The following EDNRB variants were observed in gnomAD, a reference collection of about 807,000 sequenced individuals.
EDNRB encodes Hirschsprung disease 2.
Under a neutral mutation model 46.4 loss-of-function variants are expected in EDNRB, and 18 were observed. That is an observed-to-expected ratio of 0.39 (90% confidence interval 0.27 to 0.57). The LOEUF (loss-of-function observed/expected upper bound fraction) is 0.57. Among genes scored for constraint, EDNRB ranks in the 20% least tolerant of loss-of-function variants. The pLI is 0.61. For missense variants in EDNRB, 434 were observed against 537.5 expected (o/e 0.81, Z 1.90); for synonymous variants, 213 against 204.9 (o/e 1.04, Z -0.34).
chr13:77,900,885 C>A (rs1878935291), intron 4 of EDNRB, among the ~76,000 whole-genome samples, 173 bp downstream of exon 4: 1 of 151,744 alleles, frequency 6.6e-6, no homozygotes, highest in Non-Finnish European at 1.5e-5. Context: ...TATAGAATAT[C>A]TCCAAATAAA....
chr13:77,910,146 T>A (rs1258044798), intron 1 of EDNRB, among the ~76,000 whole-genome samples: 1 of 151,978 alleles, frequency 6.6e-6, no homozygotes, highest in East Asian at 1.9e-4. Context: ...GCAGTAAACA[T>A]AGGAGCATTG....
chr13:77,905,090 T>C (rs1483261317), intron 1 of EDNRB, among the ~76,000 whole-genome samples: 2 of 151,902 alleles, frequency 1.3e-5, no homozygotes, highest in African/African-American at 4.8e-5. Flanking sequence ...ATATATATGC[T>C]TAATGTAGGA....
At chr13:77,944,940 G>T (rs1041941600) in intron 1 of EDNRB, 1 of 152,156 alleles carries the variant, frequency 6.6e-6, no homozygotes, top group Non-Finnish European at 1.5e-5. Flanking sequence ...TGGATGCCTG[G>T]GGTAAAGAAA....
intron 1 of EDNRB, among the ~76,000 whole-genome samples, chr13:77,946,049 G>A (rs1880902079): frequency 6.6e-6 from 1 of 152,288 alleles, no homozygotes; most frequent in African/African-American, 2.4e-5. Context: ...CGTGAATCCT[G>A]TCTCATGTCT....
At chr13:77,903,769 T>C (rs1042236693) in intron 1 of EDNRB, among the ~76,000 whole-genome samples, 162 bp from the exon 2 acceptor site, 1 of 151,956 alleles carries the variant, frequency 6.6e-6, no homozygotes, top group Admixed American at 6.6e-5. Context: ...GTTTGATATA[T>C]GTATGGGACA....
rs1878618578 is a variant in EDNRB at position 77,896,276 on chromosome 13, A to G, written c.*1924T>C. ...AAAATAATCTAAAATTTAAATAGAA[A>G]TTAAATATATTAATAAACTGTGAAA... On this transcript the variant is annotated 3_prime_UTR_variant, in exon 7 of 7. Transcript: ENST00000646607. 7.6e-6 allele frequency: 4 copies of G among 523,220 alleles called. No homozygotes were observed. Among genetic ancestry groups the G allele is most frequent in the Admixed American group, 4.6e-5 (1 of 21,684 alleles). The allele number at this position is 523,220 out of a possible 1,614,324, so 32.4% of individuals were successfully genotyped here. A position where few individuals can be genotyped will look rare whatever the true frequency, so the allele number is the denominator to read the frequency against.
Position 77,972,573 on chromosome 13 carries a change from C to T in EDNRB, c.-52+2774G>A, listed in dbSNP as rs542691778. Among the ~76,000 whole-genome samples the T allele has an allele frequency of 3.0e-3, 464 of 152,158 alleles. 3 individuals are homozygous for T. The highest frequency in any genetic ancestry group is 5.4e-3 in the Non-Finnish European group (366 of 68,008). ...CTGGGGTCTTTATCGAAATCTCCCC[C>T]GATTAAACGGTCCTAGTTTACCAAT... On this transcript the variant is annotated intron_variant, in intron 1 of 7. Transcript: ENST00000646948.
At chr13:77,912,704 AAC>A (rs776154906) in intron 1 of EDNRB, among the ~76,000 whole-genome samples, 25 of 152,168 alleles carry the variant, frequency 1.6e-4, no homozygotes, top group Non-Finnish European at 3.1e-4. Flanking sequence ...GCTTTTAATT[AAC>A]ACGTTTTAAA....
chr13:77,960,792 C>G (rs1407490593), intron 1 of EDNRB, among the ~76,000 whole-genome samples: 3 of 151,096 alleles, frequency 2.0e-5, no homozygotes, highest in African/African-American at 7.3e-5. Flanking sequence ...TTCAGGAGAC[C>G]CATCTCACGT....
At chr13:77,962,246 T>C (rs974225844) in intron 1 of EDNRB, among the ~76,000 whole-genome samples, 4 of 152,050 alleles carry the variant, frequency 2.6e-5, no homozygotes, top group Admixed American at 6.5e-5. Context: ...TTCCAATCAA[T>C]AGAAAAAGAC....
chr13:77,909,682 G>A (rs1326940555), intron 1 of EDNRB, among the ~76,000 whole-genome samples: 1 of 152,004 alleles, frequency 6.6e-6, no homozygotes. Flanking sequence ...ACAGTGATTG[G>A]CACACAGTGG....
intron 1 of EDNRB, among the ~76,000 whole-genome samples, chr13:77,960,324 C>T (rs554552364): frequency 6.6e-6 from 1 of 152,318 alleles, no homozygotes; most frequent in African/African-American, 2.4e-5. Context: ...GCCCATCAGA[C>T]TAACAGCAGA....
chr13:77,926,369 A>G (rs976460863), intron 1 of EDNRB, among the ~76,000 whole-genome samples: 3 of 152,174 alleles, frequency 2.0e-5, no homozygotes, highest in African/African-American at 7.2e-5. Flanking sequence ...CACCTAAGTC[A>G]CTTTTGAATG....
chr13:77,963,443 C>A (rs892196512), intron 1 of EDNRB, among the ~76,000 whole-genome samples: 2 of 152,106 alleles, frequency 1.3e-5, no homozygotes, highest in Non-Finnish European at 2.9e-5. Context: ...TGGAACAGAA[C>A]AGAGCCCTCA....
chr13:77,956,931 A>G (rs894745832), intron 1 of EDNRB, among the ~76,000 whole-genome samples: 2 of 152,226 alleles, frequency 1.3e-5, no homozygotes, highest in Admixed American at 6.5e-5. Flanking sequence ...ATCTGCCTTC[A>G]AAAGGTCCTT....
At position 77,898,219 on chromosome 13, in the gene EDNRB, T is replaced by C; in HGVS notation, c.1310A>G (p.Asn437Ser). ...CTTCTTTCAAGATGAGCTGTATTTA[T>C]TACTGGAACGGAAGTTGTCATATCC... ...DHGYDNFRSS[N>S]KYSSS Residue 437 changes from asparagine (N) to serine (S), a missense_variant, in exon 7 of 7, where the codon AAT (asparagine) becomes AGT (serine). Asn to Ser is a conservative substitution (Grantham distance 46). Coordinates refer to ENST00000646607, the MANE Select transcript of EDNRB (RefSeq NM_001122659.3). 6.2e-7 allele frequency: 1 copy of C among 1,611,888 alleles called. No homozygotes were observed. Among genetic ancestry groups the C allele is most frequent in the South Asian group, 1.1e-5 (1 of 91,042 alleles).
At chr13:77,932,642 G>A (rs780820749) in intron 1 of EDNRB, among the ~76,000 whole-genome samples, 7 of 152,136 alleles carry the variant, frequency 4.6e-5, no homozygotes, top group African/African-American at 1.7e-4. Context: ...CATATATTTT[G>A]GACATTGAAA....
intron 1 of EDNRB, among the ~76,000 whole-genome samples, chr13:77,942,679 A>G (rs1345778095): frequency 1.3e-5 from 2 of 152,160 alleles, no homozygotes; most frequent in Non-Finnish European, 2.9e-5. Context: ...ATTTACCCAT[A>G]TCTAACATCT....
chr13:77,970,498 G>A (rs989432243), intron 1 of EDNRB, among the ~76,000 whole-genome samples: 5 of 152,114 alleles, frequency 3.3e-5, no homozygotes, highest in African/African-American at 1.2e-4. Context: ...GCATGTGAAT[G>A]GGGGTCTGGT....
Sources: gnomAD v4.1 joint callset for allele counts (sites outside exome capture counted in the v4.1 genomes callset) on GRCh38, gnomAD v4.1.1 for gene constraint, MANE v1.5 for transcripts, NCBI Gene and HGNC (gene_info 2026-07-23, HGNC 2026-07-21) for gene names.